The following SMARCC2 variants were observed in gnomAD, a reference collection of about 807,000 sequenced individuals.
The protein encoded by SMARCC2 is SWI/SNF complex subunit SMARCC2.
In SMARCC2, 15 loss-of-function variants were observed where a neutral mutation model predicts 151.3. The observed-to-expected ratio is 0.10, with a 90% CI of 0.07 to 0.15. The LOEUF (loss-of-function observed/expected upper bound fraction) is 0.15. Ranked by LOEUF, SMARCC2 falls within the 10% of genes least tolerant of loss-of-function variation. The probability of loss-of-function intolerance (pLI) is 1.00; values close to 1 mark genes in which losing one functional copy is unlikely to be tolerated. For missense variants in SMARCC2, 1,031 were observed against 1,599.7 expected, an observed-to-expected ratio of 0.64 and a Z score of 6.06; for synonymous variants, 590 against 609.5, an observed-to-expected ratio of 0.97 and a Z score of 0.47.
At chr12:56,181,858 G>A in intron 8 of SMARCC2, 23 bp from the exon 9 acceptor site, 1 of 1,614,080 alleles carries the variant, frequency 6.2e-7, no homozygotes, top group Non-Finnish European at 8.5e-7. Flanking sequence ...GGCAGATCAT[G>A]CTGCAGAGAA....
In SMARCC2 at chr12:56,171,488, A is replaced by C; in HGVS notation, c.2186-56T>G. 6.2e-7 allele frequency: 1 copy of C among 1,606,148 alleles called. No homozygotes were observed. The highest frequency in any genetic ancestry group is 8.5e-7 in the Non-Finnish European group (1 of 1,173,494). ...GCGGCACAGTGGAACAGTTCTGGCAATCCCTGCAAAAGCTTACTCACAAGC... is the reference window on the plus strand; with the variant it reads ...GCGGCACAGTGGAACAGTTCTGGCACTCCCTGCAAAAGCTTACTCACAAGC... On this transcript the variant is annotated intron_variant, in intron 21 of 28. Transcript: ENST00000550164. The surrounding 1 kb of genome is among the most constrained non-coding windows in gnomAD (Gnocchi z 4.2).
intron 15 of SMARCC2, 142 bp downstream of exon 15, chr12:56,177,880 T>C: frequency 1.6e-6 from 1 of 620,336 alleles, no homozygotes; most frequent in South Asian, 2.0e-5. Flanking sequence ...AAGGCAGATA[T>C]TGTGCCTTTG....
At chr12:56,170,431 TTTTG>T (rs1266752562) in intron 22 of SMARCC2, among the ~76,000 whole-genome samples, 1 of 151,842 alleles carries the variant, frequency 6.6e-6, no homozygotes, top group Admixed American at 6.6e-5. Flanking sequence ...TTTTTTTGTT[TTTTG>T]TTTTTTTGTG....
chr12:56,165,331 G>C lies in SMARCC2; in HGVS notation c.3219C>G (p.Pro1073=), dbSNP rs780104651. 5.5e-5 allele frequency: 82 copies of C among 1,496,180 alleles called. No individual in the cohort carries two copies. Among genetic ancestry groups the C allele is most frequent in the Middle Eastern group, 2.5e-4 (1 of 3,936 alleles). 92.7% of individuals were successfully genotyped at this position (1,496,180 alleles called of 1,614,324 possible). ...QPGAVPPGVP[P]PGPHGPSPFP... Reference sequence around the variant, plus strand: ...CATAACACTTACCATGGGGTCCAGGGGGGGGAACCCCTGGTGGGACTGCCC... The same window carrying C: ...CATAACACTTACCATGGGGTCCAGGCGGGGGAACCCCTGGTGGGACTGCCC... The change falls in exon 27 of 29, where the codon CCC becomes CCG. Residue 1073 remains proline (P), a synonymous_variant. Coordinates refer to ENST00000550164, the MANE Select transcript of SMARCC2 (RefSeq NM_001330288.2).
intron 16 of SMARCC2, 52 bp from the exon 17 acceptor site, chr12:56,173,901 C>G (rs767037099): frequency 6.5e-7 from 1 of 1,540,952 alleles, no homozygotes; most frequent in Admixed American, 1.8e-5. Context: ...GAAAGGTGCA[C>G]GAGGAAGAGG....
chr12:56,182,886 T>G (rs1194294871), intron 7 of SMARCC2, among the ~76,000 whole-genome samples: 1 of 150,178 alleles, frequency 6.7e-6, no homozygotes, highest in Non-Finnish European at 1.5e-5. Context: ...CAGGTTGAAG[T>G]GCAGTGGTGC....
intron 14 of SMARCC2, 37 bp from the exon 15 acceptor site, chr12:56,178,130 T>C (rs1408120810): frequency 5.8e-6 from 9 of 1,557,384 alleles, no homozygotes; most frequent in East Asian, 2.3e-5. Context: ...GAAGAAGGCA[T>C]TGGTGAAGGG....
chr12:56,183,672 T>A, intron 7 of SMARCC2, 189 bp downstream of exon 7: 1 of 519,230 alleles, frequency 1.9e-6, no homozygotes, highest in Non-Finnish European at 3.5e-6. Flanking sequence ...GCCTCAATCC[T>A]TTTAGCCCAA....
intron 27 of SMARCC2, 76 bp downstream of exon 27, chr12:56,165,242 G>A: frequency 7.0e-7 from 1 of 1,423,462 alleles, no homozygotes; most frequent in Non-Finnish European, 9.1e-7. Flanking sequence ...CACTCATCTT[G>A]TATCCCCTTT....
rs146827538 is a variant in SMARCC2 at position 56,176,350 on chromosome 12, T to C, written c.1383-1586A>G. Among the ~76,000 whole-genome samples, 704 of 152,366 alleles carry C rather than the reference T, an allele frequency of 4.6e-3. 6 individuals are homozygous for C. The highest frequency in any genetic ancestry group is 6.8e-3 in the Non-Finnish European group (465 of 68,030). ...CCCCCAGAGAGGGGAAGCTGTGGAA[T>C]AGCTGGGAAGAAAACTTGTTCAGTT... On this transcript the variant is annotated intron_variant, in intron 15 of 28. Transcript: ENST00000550164.
At chr12:56,177,064 G>A (rs1342157813) in intron 15 of SMARCC2, among the ~76,000 whole-genome samples, 2 of 151,638 alleles carry the variant, frequency 1.3e-5, no homozygotes, top group East Asian at 1.9e-4. Context: ...CGGGTGATCC[G>A]CCCGCCTCAG....
Position 56,189,331 on chromosome 12 carries a change from GC to G in SMARCC2, c.111+19del. 1 of 1,450,280 alleles carries G rather than the reference GC, an allele frequency of 6.9e-7. No individual in the cohort carries two copies. The highest frequency in any genetic ancestry group is 9.3e-7 in the Non-Finnish European group (1 of 1,074,130). 89.8% of individuals were successfully genotyped at this position (1,450,280 alleles called of 1,614,324 possible). A position where few individuals can be genotyped will look rare whatever the true frequency, so the allele number is the denominator to read the frequency against. ...TTGTCCCGCCCCCGGTCCCCGCGCG[GC>G]CCGGCCCGGCCCGCGTACCTTCTTG... On this transcript the variant is annotated intron_variant, in intron 1 of 28. Transcript: ENST00000550164.
chr12:56,182,558 C>T (rs1168691934), intron 7 of SMARCC2, among the ~76,000 whole-genome samples: 9 of 151,482 alleles, frequency 5.9e-5, no homozygotes, highest in African/African-American at 2.2e-4. Flanking sequence ...CTCCTGACCT[C>T]GTGATCCACC....
rs181407188 is a variant in SMARCC2, at chr12:56,169,470, G to A, written c.2715+59C>T. ...GAGTGAGGAAAGATTTCCTCTAAGT[G>A]AGATGAGATTAGAGAAGTGGACATT... is the stretch of plus-strand genomic sequence containing the variant. On this transcript the variant is annotated intron_variant, in intron 25 of 28. Coordinates refer to ENST00000550164, the MANE Select transcript of SMARCC2 (RefSeq NM_001330288.2). 1,947 of 1,555,686 alleles carry A rather than the reference G, an allele frequency of 1.3e-3. 1 individual carries two copies. The highest frequency in any genetic ancestry group is 1.5e-3 in the Non-Finnish European group (1,721 of 1,137,074).
Position 56,185,154 on chromosome 12 carries a change from C to G in SMARCC2, c.318-43G>C, listed in dbSNP as rs768178109. 4.6e-6 allele frequency: 7 copies of G among 1,520,872 alleles called. No individual in the cohort carries two copies. The Admixed American group carries it at 1.2e-4, about 25-fold the overall frequency. The allele number at this position is 1,520,872 out of a possible 1,614,324, so 94.2% of individuals were successfully genotyped here. A position where few individuals can be genotyped will look rare whatever the true frequency, so the allele number is the denominator to read the frequency against. On this transcript the variant is annotated intron_variant, in intron 3 of 28. Coordinates refer to ENST00000550164, the MANE Select transcript of SMARCC2 (RefSeq NM_001330288.2). ...ATCTAGTGAGTGGTATAGCTCAGGT[C>G]TGCAGATGAGGTGAGGGCACGTGAC... is the stretch of plus-strand genomic sequence containing the variant.
chr12:56,172,735 A>T, intron 18 of SMARCC2, 31 bp from the exon 19 acceptor site: 1 of 1,612,252 alleles, frequency 6.2e-7, no homozygotes, highest in Non-Finnish European at 8.5e-7. Context: ...ACAGGTGAGT[A>T]CAAGTGACCA....
chr12:56,164,641 G>C lies in SMARCC2; in HGVS notation c.3323C>G (p.Ala1108Gly), dbSNP rs1872442492. ...CATGCCAAAAGGCAAACCCAAAGGA[G>C]CATTACCCGCCACGCCTGGGTGCCC... The part of the protein sequence containing the change: ...GSGHPGVAGN[A>G]PLGLPFGMPP... Residue 1108 changes from alanine (A) to glycine (G), a missense_variant, in exon 28 of 29, where the codon GCT (alanine) becomes GGT (glycine). Physicochemically the swap from Ala to Gly is moderately conservative, Grantham distance 60. Transcript: ENST00000550164. 3 of 1,610,900 alleles carry C rather than the reference G, an allele frequency of 1.9e-6. No individual in the cohort carries two copies. The highest frequency in any genetic ancestry group is 1.7e-6 in the Non-Finnish European group (2 of 1,178,202).
At chr12:56,165,192 A>T in intron 27 of SMARCC2, 126 bp downstream of exon 27, 1 of 1,208,420 alleles carries the variant, frequency 8.3e-7, no homozygotes. Context: ...CCTAAGAGAG[A>T]TGGGCCCATC....
At chr12:56,177,810 A>G (rs1044263770) in intron 15 of SMARCC2, among the ~76,000 whole-genome samples, 1 of 152,242 alleles carries the variant, frequency 6.6e-6, no homozygotes, top group Non-Finnish European at 1.5e-5. Flanking sequence ...AACATGCTTA[A>G]TATCACCCTT....
Sources: gnomAD v4.1 joint callset for allele counts (sites outside exome capture counted in the v4.1 genomes callset) on GRCh38, gnomAD v4.1.1 for gene constraint, Gnocchi (gnomAD v3.1) non-coding constraint, MANE v1.5 for transcripts, NCBI Gene and HGNC (gene_info 2026-07-23, HGNC 2026-07-21) for gene names.